The following ABCA13 variants were observed in gnomAD, a reference collection of about 807,000 sequenced individuals.
ABCA13 encodes ATP-binding cassette sub-family A member 13.
A neutral mutation model predicts 478.7 loss-of-function variants in ABCA13; 476 were observed. That is an observed-to-expected ratio of 0.99 (90% CI 0.92 to 1.07). The LOEUF is 1.07. ABCA13 is among the 50% of genes least tolerant of loss of function. The probability of loss-of-function intolerance (pLI) is 0.00; values close to 1 mark genes in which losing one functional copy is unlikely to be tolerated. For synonymous variants in ABCA13, 2,252 were observed against 2,158.9 expected (o/e 1.04, Z -1.20); for missense variants, 6,060 against 5,910.6 (o/e 1.03, Z -0.83).
chr7:48,424,960 G>A (rs1286933987), intron 41 of ABCA13, among the ~76,000 whole-genome samples: 1 of 152,324 alleles, frequency 6.6e-6, no homozygotes, highest in East Asian at 1.9e-4. Context: ...GTTAAGGTGA[G>A]TTGCCACTTG....
At chr7:48,459,557 C>T (rs532232491) in intron 43 of ABCA13, among the ~76,000 whole-genome samples, 31 of 152,290 alleles carry the variant, frequency 2.0e-4, no homozygotes, top group African/African-American at 6.5e-4. Flanking sequence ...TCTGTGCTTG[C>T]TCTCTCATCT....
chr7:48,481,004 G>A, intron 45 of ABCA13, 32 bp from the exon 46 acceptor site: 7 of 1,433,460 alleles, frequency 4.9e-6, no homozygotes, highest in Non-Finnish European at 6.7e-6. Context: ...TTATAAAAAA[G>A]TTTGTTTTTA....
intron 48 of ABCA13, among the ~76,000 whole-genome samples, chr7:48,495,883 C>T (rs1830231532): frequency 6.6e-6 from 1 of 152,092 alleles, no homozygotes; most frequent in Non-Finnish European, 1.5e-5. Flanking sequence ...AATGTAGTTG[C>T]TGTGAAATCT....
intron 1 of ABCA13, among the ~76,000 whole-genome samples, chr7:48,174,635 T>C (rs1379047857): frequency 1.3e-5 from 2 of 152,172 alleles, no homozygotes; most frequent in Non-Finnish European, 1.5e-5. Context: ...TTGATTTTTA[T>C]TTATTGTAAA....
At chr7:48,444,255 C>T (rs1300935221) in intron 42 of ABCA13, among the ~76,000 whole-genome samples, 1 of 152,172 alleles carries the variant, frequency 6.6e-6, no homozygotes, top group Non-Finnish European at 1.5e-5. Context: ...CTCCAGTTGC[C>T]TCCATAGCTC....
At chr7:48,441,817 G>T (rs556149440) in intron 42 of ABCA13, among the ~76,000 whole-genome samples, 3 of 152,198 alleles carry the variant, frequency 2.0e-5, no homozygotes, top group Admixed American at 2.0e-4. Context: ...GCAGTGTTGA[G>T]AGCCCTGTTA....
rs746640597 is a variant in ABCA13, at chr7:48,279,257, C to T, written c.8063C>T (p.Thr2688Ile). 9 of 1,588,222 alleles carry T rather than the reference C, an allele frequency of 5.7e-6. No individual in the cohort carries two copies. In the South Asian group the frequency reaches 8.0e-5, roughly 14 times the overall value. The stretch of plus-strand genomic sequence containing the variant: ...TGCTTAGTTCCTATAAATAACATCA[C>T]CAACCAAATGGACTTCTTATACCCT... ...LGCLVPINNITNQMDFLYPNP... is the reference protein window; with the variant it reads ...LGCLVPINNIINQMDFLYPNP... The change falls in exon 18 of 62, where the codon ACC (threonine) becomes ATC (isoleucine). Residue 2688 changes from threonine to isoleucine, a missense_variant. Around this residue, in one of 3 missense-constraint regions of ABCA13, gnomAD observed 4,423 missense variants for 4,309.1 expected, o/e 1.03. Transcript: ENST00000435803.
In ABCA13 at chr7:48,221,179, C is replaced by T. The variant is rs1787308718; in HGVS notation, c.440-102C>T. ...GGTGTATTTGATTTTTGGGCCAGGG[C>T]TCTTGGATACTCCATTTGACTTTAG... On this transcript the variant is annotated intron_variant, in intron 4 of 61. Transcript: ENST00000435803. The T allele has an allele frequency of 6.7e-6, 4 of 598,014 alleles. No homozygotes were observed. In the South Asian group the frequency reaches 7.2e-5, roughly 11 times the overall value. The allele number at this position is 598,014 out of a possible 1,614,324, so 37.0% of individuals were successfully genotyped here. A position where few individuals can be genotyped will look rare whatever the true frequency, so the allele number is the denominator to read the frequency against.
intron 1 of ABCA13, among the ~76,000 whole-genome samples, chr7:48,180,417 T>C (rs1795510532): frequency 6.6e-6 from 1 of 152,178 alleles, no homozygotes; most frequent in Non-Finnish European, 1.5e-5. Flanking sequence ...ATATTGATGC[T>C]GGATATCTTT....
At chr7:48,370,345 C>G (rs532484337) in intron 32 of ABCA13, among the ~76,000 whole-genome samples, 1 of 152,214 alleles carries the variant, frequency 6.6e-6, no homozygotes, top group African/African-American at 2.4e-5. Flanking sequence ...CAAACAGCAA[C>G]AGTTTGATTT....
rs372255256 is a variant in ABCA13 at position 48,497,579 on chromosome 7, T to C, written c.13291+8235T>C. Among the ~76,000 whole-genome samples, 114 of 152,306 alleles carry C rather than the reference T, an allele frequency of 7.5e-4. 1 individual carries two copies. Among genetic ancestry groups the C allele is most frequent in the African/African-American group, 2.6e-3 (109 of 41,572 alleles). ...GTTGAGGAATCATATGAGAGCCACC[T>C]AGATGTATATGTTTTGATTCCCTGT... is the stretch of plus-strand genomic sequence containing the variant. On this transcript the variant is annotated intron_variant, in intron 48 of 61. Coordinates refer to ENST00000435803, the MANE Select transcript of ABCA13 (RefSeq NM_152701.5).
rs539193287 is a variant in ABCA13 at position 48,331,973 on chromosome 7, G to T, written c.10000-3449G>T. On this transcript the variant is annotated intron_variant, in intron 27 of 61. Coordinates refer to ENST00000435803, the MANE Select transcript of ABCA13 (RefSeq NM_152701.5). ...TCTATAATTTTGTCATTTCTAGATT[G>T]TTGTATACATGGAATTATACAGCAT... is the stretch of plus-strand genomic sequence containing the variant. 2.0e-3 allele frequency among the ~76,000 whole-genome samples: 298 copies of T among 152,258 alleles called. 1 individual carries two copies. The highest frequency in any genetic ancestry group is 3.4e-3 in the Middle Eastern group (1 of 294).
chr7:48,290,535 G>A (rs1036200391), intron 20 of ABCA13, among the ~76,000 whole-genome samples: 7 of 152,126 alleles, frequency 4.6e-5, no homozygotes, highest in African/African-American at 1.4e-4. Context: ...TTTTCTTCCG[G>A]TAGTCCTTGC....
intron 19 of ABCA13, among the ~76,000 whole-genome samples, chr7:48,283,452 G>A (rs1034891846): frequency 2.0e-5 from 3 of 152,170 alleles, no homozygotes; most frequent in African/African-American, 7.2e-5. Context: ...TTCAGGGTGA[G>A]GACATTTCAG....
At chr7:48,640,276 T>C (rs1795012070) in intron 59 of ABCA13, among the ~76,000 whole-genome samples, 1 of 152,200 alleles carries the variant, frequency 6.6e-6, no homozygotes, top group African/African-American at 2.4e-5. Flanking sequence ...CAAAGCTTCA[T>C]AGGCACTTGG....
At chr7:48,642,209 C>T (rs1166206392) in intron 59 of ABCA13, among the ~76,000 whole-genome samples, 1 of 152,128 alleles carries the variant, frequency 6.6e-6, no homozygotes, top group East Asian at 1.9e-4. Context: ...CAAAGAGCTC[C>T]ATGGGTGCTC....
chr7:48,462,591 C>G (rs1826384729), intron 43 of ABCA13, among the ~76,000 whole-genome samples: 1 of 152,030 alleles, frequency 6.6e-6, no homozygotes, highest in Non-Finnish European at 1.5e-5. Context: ...TCACTACAAC[C>G]TCCACCTCCT....
intron 41 of ABCA13, 99 bp downstream of exon 41, chr7:48,412,682 G>A: frequency 1.2e-6 from 1 of 853,250 alleles, no homozygotes; most frequent in Non-Finnish European, 1.7e-6. Context: ...ATGTGGGTAA[G>A]GGGGAGGAGT....
intron 3 of ABCA13, among the ~76,000 whole-genome samples, chr7:48,209,035 CT>C (rs1785287065): frequency 6.6e-6 from 1 of 151,956 alleles, no homozygotes; most frequent in South Asian, 2.1e-4. Context: ...TTATTTAATG[CT>C]TTTTCAACAT....
Sources: gnomAD v4.1 joint callset for allele counts (sites outside exome capture counted in the v4.1 genomes callset) on GRCh38, gnomAD v4.1.1 for gene constraint, gnomAD v4.1.1 regional missense constraint, MANE v1.5 for transcripts, NCBI Gene and HGNC (gene_info 2026-07-23, HGNC 2026-07-21) for gene names.